Variants in XKR4 observed in about 807,000 individuals in gnomAD.
The protein encoded by XKR4 is XK related 4, also known as XK-related protein 4.
Under a neutral mutation model 53.9 loss-of-function variants are expected in XKR4, and 12 were observed. That is an observed-to-expected ratio of 0.22 (90% CI 0.14 to 0.36). XKR4 has a LOEUF of 0.36. Ranked by LOEUF, XKR4 falls within the 10% of genes least tolerant of loss-of-function variation. The pLI is 1.00. For synonymous variants in XKR4, 354 were observed against 362.4 expected (o/e 0.98, Z 0.26); for missense variants, 799 against 859.5 (o/e 0.93, Z 0.88).
At chr8:55,457,221 C>A (rs1236828429) in intron 2 of XKR4, among the ~76,000 whole-genome samples, 1 of 147,040 alleles carries the variant, frequency 6.8e-6, no homozygotes, top group East Asian at 2.0e-4. Context: ...CTGCTCATTG[C>A]AAGTTCTGCC....
At chr8:55,143,304 G>A (rs1816730275) in intron 1 of XKR4, among the ~76,000 whole-genome samples, 2 of 152,206 alleles carry the variant, frequency 1.3e-5, no homozygotes. Context: ...GTCCTAAAGT[G>A]TGTATGTGCA....
intron 1 of XKR4, among the ~76,000 whole-genome samples, chr8:55,340,767 T>G (rs1053471299): frequency 6.6e-6 from 1 of 152,268 alleles, no homozygotes; most frequent in Non-Finnish European, 1.5e-5. Flanking sequence ...AGGGAAAGCT[T>G]GAGCTAAACC....
intron 1 of XKR4, among the ~76,000 whole-genome samples, chr8:55,255,657 A>G (rs1200395744): frequency 6.6e-6 from 1 of 152,184 alleles, no homozygotes. Context: ...ACACATACAA[A>G]TGTACAAGAA....
chr8:55,430,427 C>A (rs1387328225), intron 2 of XKR4, among the ~76,000 whole-genome samples: 1 of 152,120 alleles, frequency 6.6e-6, no homozygotes, highest in Non-Finnish European at 1.5e-5. Context: ...CATTAATAAA[C>A]AAACTGATGA....
At chr8:55,481,876 C>T (rs1250595336) in intron 2 of XKR4, among the ~76,000 whole-genome samples, 2 of 152,198 alleles carry the variant, frequency 1.3e-5, no homozygotes, top group African/African-American at 4.8e-5. Context: ...GAATGGAAAT[C>T]ATTAAAAAGT....
chr8:55,276,785 T>C (rs1818770520), intron 1 of XKR4, among the ~76,000 whole-genome samples: 1 of 152,244 alleles, frequency 6.6e-6, no homozygotes, highest in Non-Finnish European at 1.5e-5. Context: ...ACTATTATTC[T>C]ATTTTGCAAT....
At chr8:55,465,294 G>C (rs1805745523) in intron 2 of XKR4, among the ~76,000 whole-genome samples, 1 of 152,042 alleles carries the variant, frequency 6.6e-6, no homozygotes, top group South Asian at 2.1e-4. Context: ...CAGAGATATA[G>C]ACCAAAGGAA....
chr8:55,331,960 G>A (rs924321617), intron 1 of XKR4, among the ~76,000 whole-genome samples: 3 of 151,992 alleles, frequency 2.0e-5, no homozygotes, highest in Non-Finnish European at 4.4e-5. Flanking sequence ...CGATAAGGAA[G>A]GACTTACTAT....
chr8:55,454,743 A>T (rs1353333384), intron 2 of XKR4: 13 of 795,782 alleles, frequency 1.6e-5, no homozygotes, highest in Non-Finnish European at 2.5e-5. Context: ...ACACCTCCGC[A>T]TGGTCAAGTC....
intron 1 of XKR4, among the ~76,000 whole-genome samples, chr8:55,236,061 G>C (rs1373537658): frequency 6.6e-6 from 1 of 152,116 alleles, no homozygotes; most frequent in South Asian, 2.1e-4. Flanking sequence ...ATCACACCTG[G>C]TTTGCACTGA....
intron 1 of XKR4, among the ~76,000 whole-genome samples, chr8:55,214,883 G>C (rs976136050): frequency 2.6e-5 from 4 of 152,024 alleles, no homozygotes; most frequent in Non-Finnish European, 5.9e-5. Flanking sequence ...ATGTATGAGA[G>C]AATTTTCATT....
intron 1 of XKR4, among the ~76,000 whole-genome samples, chr8:55,122,112 A>C (rs919266428): frequency 1.3e-5 from 2 of 152,238 alleles, no homozygotes; most frequent in Admixed American, 6.5e-5. Context: ...GCAGATAATG[A>C]ATTAAAAATT....
rs79139572 is a variant in XKR4, at chr8:55,204,598, G to A, written c.806+101304G>A. Among the ~76,000 whole-genome samples the A allele has an allele frequency of 8.5e-3, 1,289 of 152,188 alleles. 14 individuals carry two copies. Among genetic ancestry groups the A allele is most frequent in the Middle Eastern group, 0.044 (13 of 294 alleles). On this transcript the variant is annotated intron_variant, in intron 1 of 2. Transcript: ENST00000327381. ...TCTGCAACTCTTTTCTACACAAGAG[G>A]TCGTCAATAAAAAATGAAACACATG...
At chr8:55,202,556 T>C (rs1246990520) in intron 1 of XKR4, among the ~76,000 whole-genome samples, 1 of 152,218 alleles carries the variant, frequency 6.6e-6, no homozygotes, top group Non-Finnish European at 1.5e-5. Context: ...TAGGTGTGTT[T>C]TCCAAAGTTT....
chr8:55,373,680 A>T (rs990543703), intron 2 of XKR4, among the ~76,000 whole-genome samples: 1 of 152,226 alleles, frequency 6.6e-6, no homozygotes, highest in African/African-American at 2.4e-5. Flanking sequence ...TATGATGTCA[A>T]TGGAAAACAG....
At chr8:55,163,424 G>A (rs1056569449) in intron 1 of XKR4, among the ~76,000 whole-genome samples, 1 of 152,150 alleles carries the variant, frequency 6.6e-6, no homozygotes, top group Admixed American at 6.5e-5. Context: ...GGTGAGCTGC[G>A]TGGTTCCATA....
chr8:55,317,487 T>A (rs1045533219), intron 1 of XKR4, among the ~76,000 whole-genome samples: 46 of 152,330 alleles, frequency 3.0e-4, no homozygotes, highest in African/African-American at 1.0e-3. Context: ...AAAAAATAAC[T>A]CATACTGCAT....
intron 2 of XKR4, among the ~76,000 whole-genome samples, chr8:55,522,745 T>C (rs1806814615): frequency 6.6e-6 from 1 of 152,170 alleles, no homozygotes; most frequent in African/African-American, 2.4e-5. Flanking sequence ...CTCCGGTCCA[T>C]GGTTATTTTC....
At chr8:55,174,705 G>A (rs1352977658) in intron 1 of XKR4, among the ~76,000 whole-genome samples, 2 of 152,184 alleles carry the variant, frequency 1.3e-5, no homozygotes, top group African/African-American at 2.4e-5. Flanking sequence ...CTTTTTGGGT[G>A]GTTGAAGTAG....
Sources: gnomAD v4.1 joint callset for allele counts (sites outside exome capture counted in the v4.1 genomes callset) on GRCh38, gnomAD v4.1.1 for gene constraint, MANE v1.5 for transcripts, NCBI Gene and HGNC (gene_info 2026-07-23, HGNC 2026-07-21) for gene names.